Variants in WDR70 observed in about 807,000 individuals in gnomAD.
WDR70 encodes WD repeat domain 70.
In WDR70, 53 loss-of-function variants were observed where a neutral mutation model predicts 88.6. The ratio of observed to expected loss-of-function variants is 0.60; its 90% CI spans 0.48 to 0.75. The LOEUF (loss-of-function observed/expected upper bound fraction) is 0.75. Ranked by LOEUF, WDR70 falls within the 30% of genes least tolerant of loss-of-function variation. WDR70 has a pLI of 0.00. For synonymous variants in WDR70, 280 were observed against 270.0 expected (o/e 1.04, Z -0.36); for missense variants, 610 against 823.2 (o/e 0.74, Z 3.17).
chr5:37,487,471 C>A (rs941702006), intron 8 of WDR70, among the ~76,000 whole-genome samples: 11 of 150,948 alleles, frequency 7.3e-5, no homozygotes, highest in African/African-American at 2.4e-4. Context: ...AATAATATAT[C>A]TAATCTATCA....
chr5:37,570,981 A>T lies in WDR70; in HGVS notation c.918-34083A>T, dbSNP rs191017776. On this transcript the variant is annotated intron_variant, in intron 9 of 17. Coordinates refer to ENST00000265107, the MANE Select transcript of WDR70 (RefSeq NM_018034.4). The stretch of plus-strand genomic sequence containing the variant: ...GTGTACATCTCTGTGCTCTGACAAG[A>T]TATTGAATTCCTGAGTTCACCAAGT... Among the ~76,000 whole-genome samples the T allele has an allele frequency of 5.7e-3, 861 of 152,036 alleles. 4 individuals carry two copies. The highest frequency in any genetic ancestry group is 0.017 in the African/African-American group (713 of 41,440).
intron 11 of WDR70, among the ~76,000 whole-genome samples, chr5:37,698,422 AAAGAAATAGC>A (rs1430391179): frequency 6.6e-6 from 1 of 152,192 alleles, no homozygotes; most frequent in Non-Finnish European, 1.5e-5. Context: ...TGGGGAGAGA[AAAGAAATAGC>A]ATGGTAAGTA....
At chr5:37,633,916 G>T (rs1159054818) in intron 10 of WDR70, among the ~76,000 whole-genome samples, 1 of 152,174 alleles carries the variant, frequency 6.6e-6, no homozygotes, top group African/African-American at 2.4e-5. Flanking sequence ...GTGATCGCCA[G>T]TTTGTGTGGA....
intron 7 of WDR70, among the ~76,000 whole-genome samples, chr5:37,455,501 C>G (rs954989005): frequency 9.2e-5 from 14 of 152,000 alleles, no homozygotes; most frequent in Admixed American, 6.6e-5. Flanking sequence ...CTTGGCCTCC[C>G]AAAGTGTTGA....
intron 5 of WDR70, 142 bp from the exon 6 acceptor site, chr5:37,437,780 A>T: frequency 1.5e-6 from 1 of 681,468 alleles, no homozygotes; most frequent in East Asian, 2.9e-5. Flanking sequence ...ATACTCTCAC[A>T]CTTTTTTGCT....
chr5:37,733,390 G>T (rs1027353122), intron 17 of WDR70, among the ~76,000 whole-genome samples: 1 of 152,042 alleles, frequency 6.6e-6, no homozygotes, highest in African/African-American at 2.4e-5. Context: ...GGATATTTTT[G>T]AGAGAACCAT....
At chr5:37,421,221 A>G (rs73749030) in intron 5 of WDR70, among the ~76,000 whole-genome samples, 2,068 of 152,300 alleles carry the variant, frequency 0.014, 45 homozygotes, top group African/African-American at 0.047. Context: ...ATGCCCTACT[A>G]CACTACTGGT....
At chr5:37,563,305 G>GA (rs1561903249) in intron 9 of WDR70, among the ~76,000 whole-genome samples, 1 of 44,278 alleles carries the variant, frequency 2.3e-5, no homozygotes, top group Admixed American at 2.0e-4. Flanking sequence ...GCGGGGGGCT[G>GA]GCCCCCCACC....
At chr5:37,601,646 A>G (rs1743886066) in intron 9 of WDR70, among the ~76,000 whole-genome samples, 2 of 151,872 alleles carry the variant, frequency 1.3e-5, no homozygotes, top group East Asian at 3.9e-4. Flanking sequence ...TGAAGTCATC[A>G]GGTCCTGGTT....
intron 7 of WDR70, among the ~76,000 whole-genome samples, chr5:37,477,694 A>C (rs1739530044): frequency 6.6e-6 from 1 of 152,202 alleles, no homozygotes; most frequent in Non-Finnish European, 1.5e-5. Context: ...AACTTGTGAC[A>C]CAAAAAGCTT....
At chr5:37,609,800 G>C (rs1318528858) in intron 10 of WDR70, among the ~76,000 whole-genome samples, 2 of 152,206 alleles carry the variant, frequency 1.3e-5, no homozygotes, top group Non-Finnish European at 2.9e-5. Context: ...AGCCATGCCA[G>C]AAAGTGGAAC....
intron 9 of WDR70, among the ~76,000 whole-genome samples, chr5:37,554,797 C>T (rs753729677): frequency 3.3e-5 from 5 of 152,052 alleles, no homozygotes; most frequent in Non-Finnish European, 7.4e-5. Context: ...GCCTCAAACT[C>T]CTGGGCTTAC....
At position 37,390,129 on chromosome 5, in the gene WDR70, C is replaced by G. The variant is rs368345431; in HGVS notation, c.176-1871C>G. 2.0e-5 allele frequency among the ~76,000 whole-genome samples: 3 copies of G among 152,152 alleles called. No homozygotes were observed. In the East Asian group the frequency reaches 5.8e-4, roughly 29 times the overall value. ...AGAACCAAACTATTCATACATAATC[C>G]TTTTTCTTCCTAGTGCCCCCACAAT... On this transcript the variant is annotated intron_variant, in intron 3 of 17. Coordinates refer to ENST00000265107, the MANE Select transcript of WDR70 (RefSeq NM_018034.4).
chr5:37,454,764 T>A (rs981691786), intron 7 of WDR70, among the ~76,000 whole-genome samples: 5 of 152,208 alleles, frequency 3.3e-5, no homozygotes, highest in Non-Finnish European at 7.3e-5. Context: ...GCATATTAAT[T>A]GATGTAAAAT....
At chr5:37,517,431 G>A (rs1234457306) in intron 9 of WDR70, among the ~76,000 whole-genome samples, 1 of 150,276 alleles carries the variant, frequency 6.7e-6, no homozygotes, top group Non-Finnish European at 1.5e-5. Flanking sequence ...GCAATGGCAC[G>A]ATCTCAGCTC....
chr5:37,711,976 A>C (rs1377847560), intron 13 of WDR70, among the ~76,000 whole-genome samples: 2 of 141,576 alleles, frequency 1.4e-5, no homozygotes, highest in Admixed American at 1.5e-4. Context: ...ATTTCAGTGC[A>C]TATATTTTTT....
At chr5:37,562,756 G>A (rs1487079054) in intron 9 of WDR70, among the ~76,000 whole-genome samples, 1 of 152,000 alleles carries the variant, frequency 6.6e-6, no homozygotes, top group African/African-American at 2.4e-5. Flanking sequence ...GAGAGCACAG[G>A]GTTGGGGGTA....
At chr5:37,683,999 C>T (rs753096433) in intron 10 of WDR70, among the ~76,000 whole-genome samples, 2 of 152,056 alleles carry the variant, frequency 1.3e-5, no homozygotes, top group Non-Finnish European at 2.9e-5. Flanking sequence ...GATTTGGTCT[C>T]TTTACATAAT....
chr5:37,659,806 A>G (rs748287544), intron 10 of WDR70, among the ~76,000 whole-genome samples: 2 of 152,130 alleles, frequency 1.3e-5, no homozygotes, highest in Non-Finnish European at 2.9e-5. Context: ...CACTAATTCC[A>G]TCATAGCGGC....
Sources: allele counts gnomAD v4.1 joint callset (sites outside exome capture counted in the v4.1 genomes callset), GRCh38; gene constraint gnomAD v4.1.1; transcripts MANE v1.5; gene names NCBI Gene and HGNC (gene_info 2026-07-23, HGNC 2026-07-21).